Variants in NFRKB observed in about 807,000 individuals in gnomAD.
NFRKB encodes nuclear factor related to kappa-B-binding protein.
NFRKB carries 62 observed loss-of-function variants against 135.7 expected under a neutral mutation model. The observed-to-expected ratio is 0.46, with a 90% CI of 0.37 to 0.56. The LOEUF (loss-of-function observed/expected upper bound fraction) is 0.56, where lower values mean the gene tolerates loss of function less well. Ranked by LOEUF, NFRKB falls within the 20% of genes least tolerant of loss-of-function variation. The pLI, the probability that NFRKB is intolerant of heterozygous loss-of-function variation, is 0.00. For missense variants in NFRKB, 1,545 were observed against 1,662.0 expected, an observed-to-expected ratio of 0.93 and a Z score of 1.22; for synonymous variants, 678 against 635.6, an observed-to-expected ratio of 1.07 and a Z score of -1.00.
In NFRKB at chr11:129,885,577, G is replaced by A. The variant is rs751129575; in HGVS notation, c.498C>T (p.Pro166=). Residue 166 remains proline, a synonymous_variant, in exon 6 of 27, where the codon CCC becomes CCT. Transcript: ENST00000682444. ...DLLEMARRSG[P]ALPFRQKRPS... is the part of the protein sequence containing the mutation. Reference sequence around the variant, plus strand: ...GGCGTTTCTGCCGGAAGGGAAGGGCGGGGCCACTCCGCCGGGCCATCTCCA... The same window carrying A: ...GGCGTTTCTGCCGGAAGGGAAGGGCAGGGCCACTCCGCCGGGCCATCTCCA... The A allele has an allele frequency of 1.7e-5, 28 of 1,612,806 alleles. No individual in the cohort carries two copies. The highest frequency in any genetic ancestry group is 6.7e-5 in the African/African-American group (5 of 74,908).
At chr11:129,872,421 CAA>C (rs1410283641) in intron 23 of NFRKB, among the ~76,000 whole-genome samples, 2 of 152,094 alleles carry the variant, frequency 1.3e-5, no homozygotes, top group Non-Finnish European at 2.9e-5. Context: ...ATTTAACAAG[CAA>C]AAAATGCTTA....
At chr11:129,866,063 C>T (rs929731578) in intron 24 of NFRKB, 80 bp from the exon 25 acceptor site, 6 of 1,217,846 alleles carry the variant, frequency 4.9e-6, no homozygotes, top group African/African-American at 4.5e-5. Flanking sequence ...GCATCAGGAA[C>T]TGAGAAGCAA....
intron 3 of NFRKB, among the ~76,000 whole-genome samples, chr11:129,889,951 C>CGTGTGTGTGTGT (rs56216860): frequency 0.012 from 1,577 of 135,320 alleles, 31 homozygotes; most frequent in African/African-American, 0.042. Context: ...TATTGTCTTA[C>CGTGTGTGTGTGT]GTGTGTGTGT....
At position 129,870,115 on chromosome 11, in the gene NFRKB, C is replaced by T. The variant is rs1948428327; in HGVS notation, c.2910G>A (p.Leu970=). ...TGGCCATCATGTCCGGAGTGATTCG[C>T]AGAACCGTCTGGCCCTTGGCATCTG... ...ITTDAKGQTV[L]RITPDMMATL... The change falls in exon 24 of 27, where the codon CTG becomes CTA. Residue 970 remains leucine (L), a synonymous_variant. Transcript: ENST00000682444. 1 of 1,614,144 alleles carries T rather than the reference C, an allele frequency of 6.2e-7. No individual in the cohort carries two copies. The highest frequency in any genetic ancestry group is 1.3e-5 in the African/African-American group (1 of 74,946).
Position 129,870,158 on chromosome 11 carries a change from G to A in NFRKB, c.2867C>T (p.Pro956Leu), listed in dbSNP as rs371506336. 5.6e-6 allele frequency: 9 copies of A among 1,614,090 alleles called. No homozygotes were observed. The highest frequency in any genetic ancestry group is 2.7e-5 in the African/African-American group (2 of 74,920). ...RIQGKDVLRL[P>L]PSSITTDAKG... Reference sequence around the variant, plus strand: ...GGCATCTGTGGTGATGGAAGAGGGCGGCAGACGCAATACATCCTTACCCTG... The same window carrying A: ...GGCATCTGTGGTGATGGAAGAGGGCAGCAGACGCAATACATCCTTACCCTG... Residue 956 changes from proline (P) to leucine (L), a missense_variant, in exon 24 of 27, where the codon CCG becomes CTG. By Grantham distance (98) the Pro-to-Leu change is moderately conservative. This residue lies in a region of NFRKB where 753 missense variants were observed against 804.3 expected (regional missense o/e 0.94). Coordinates refer to ENST00000682444, the MANE Select transcript of NFRKB (RefSeq NM_001143835.2).
Position 129,892,775 on chromosome 11 carries a change from G to C in NFRKB, c.75C>G (p.Ile25Met), listed in dbSNP as rs761005242. ...TGCCTCCCAGGAGGCAATCCTCCAT[G>C]ATGCGCGTGCCATGGCCATCTCCAC... is the stretch of plus-strand genomic sequence containing the variant. ...GPCGDGHGTR[I>M]MEDCLLGGTR... The change falls in exon 3 of 27, where the codon ATC (isoleucine) becomes ATG (methionine). Residue 25 changes from isoleucine to methionine, a missense_variant. Transcript: ENST00000682444. 1.2e-6 allele frequency: 2 copies of C among 1,614,206 alleles called. No homozygotes were observed. The highest frequency in any genetic ancestry group is 2.2e-5 in the South Asian group (2 of 91,078).
intron 13 of NFRKB, among the ~76,000 whole-genome samples, chr11:129,880,361 A>G (rs961095539): frequency 1.3e-5 from 2 of 152,136 alleles, no homozygotes; most frequent in Non-Finnish European, 2.9e-5. Context: ...CAGCCAAGCC[A>G]TAACCAAGCC....
rs764788294 is a variant in NFRKB, at chr11:129,885,515, C to T, written c.560G>A (p.Arg187Gln). The T allele has an allele frequency of 1.5e-5, 25 of 1,614,036 alleles. No individual in the cohort carries two copies. Among genetic ancestry groups the T allele is most frequent in the South Asian group, 2.2e-5 (2 of 91,084 alleles). Residue 187 changes from arginine (R) to glutamine (Q), a missense_variant, in exon 6 of 27, where the codon CGG (arginine) becomes CAG (glutamine). Physicochemically the swap from Arg to Gln is conservative, Grantham distance 43. Coordinates refer to ENST00000682444, the MANE Select transcript of NFRKB (RefSeq NM_001143835.2). Reference protein sequence around the residue: ...PSRTPEEREWRTQQRYLKVLR... With the variant: ...PSRTPEEREWQTQQRYLKVLR... ...GACCTTCAAGTAGCGCTGCTGGGTC[C>T]GCCACTCCCGCTCCTCAGGTGTGCG...
chr11:129,885,396 C>T (rs1198810731), intron 6 of NFRKB, 39 bp downstream of exon 6: 1 of 1,572,678 alleles, frequency 6.4e-7, no homozygotes, highest in Admixed American at 1.7e-5. Context: ...CGGTATCCAT[C>T]CAATACCCCA....
chr11:129,889,951 C>CGTGTGTGTGTGTGTGTGTGTGT (rs56216860), intron 3 of NFRKB, among the ~76,000 whole-genome samples: 62 of 135,348 alleles, frequency 4.6e-4, no homozygotes, highest in African/African-American at 1.6e-3. Context: ...TATTGTCTTA[C>CGTGTGTGTGTGTGTGTGTGTGT]GTGTGTGTGT....
Position 129,883,209 on chromosome 11 carries a change from A to G in NFRKB, c.817-3T>C, listed in dbSNP as rs778520087. 1.9e-6 allele frequency: 3 copies of G among 1,613,808 alleles called. No homozygotes were observed. In the South Asian group the frequency reaches 3.3e-5, roughly 18 times the overall value. ...CCTGTCAAAAGGTCCGGGTGATCCT[A>G]GATGTGATATCCAGAATTTGGTCAT... On this transcript the variant is annotated splice_polypyrimidine_tract_variant and splice_region_variant and intron_variant, in intron 8 of 26. Transcript: ENST00000682444.
intron 5 of NFRKB, 92 bp downstream of exon 5, chr11:129,886,225 G>T: frequency 1.3e-5 from 19 of 1,438,106 alleles, no homozygotes; most frequent in Non-Finnish European, 1.8e-5. Flanking sequence ...TTTTCTTCGT[G>T]GCAATTTTTG....
At chr11:129,867,907 G>A (rs986961018) in intron 24 of NFRKB, among the ~76,000 whole-genome samples, 1 of 152,156 alleles carries the variant, frequency 6.6e-6, no homozygotes, top group Non-Finnish European at 1.5e-5. Context: ...AAGCTAGTGG[G>A]GGAAGCAATA....
At chr11:129,881,674 T>C (rs770227162) in intron 12 of NFRKB, 53 bp downstream of exon 12, 318 of 1,598,834 alleles carry the variant, frequency 2.0e-4, no homozygotes, top group Non-Finnish European at 2.6e-4. Flanking sequence ...ATTCTAATAA[T>C]TAATTAGACA....
In NFRKB at chr11:129,874,746, G is replaced by A; in HGVS notation, c.1978+47C>T. 6.2e-7 allele frequency: 1 copy of A among 1,613,838 alleles called. No homozygotes were observed. The highest frequency in any genetic ancestry group is 8.5e-7 in the Non-Finnish European group (1 of 1,179,772). ...ATAATGGAATTGGGGTAGAAAGTCAGAACGTATCCCCAGTCTGGTCGGACA... is the reference window on the plus strand; with the variant it reads ...ATAATGGAATTGGGGTAGAAAGTCAAAACGTATCCCCAGTCTGGTCGGACA... On this transcript the variant is annotated intron_variant, in intron 19 of 26. Transcript: ENST00000682444. The surrounding 1 kb of genome is among the most constrained non-coding windows in gnomAD (Gnocchi z 4.5).
chr11:129,880,929 C>T (rs566956554), intron 13 of NFRKB, among the ~76,000 whole-genome samples: 2 of 152,364 alleles, frequency 1.3e-5, no homozygotes, highest in South Asian at 4.1e-4. Flanking sequence ...GGATTTCTCT[C>T]TTTTCACCAT....
intron 8 of NFRKB, among the ~76,000 whole-genome samples, chr11:129,883,516 T>C (rs1487463327): frequency 6.6e-6 from 1 of 152,208 alleles, no homozygotes; most frequent in Non-Finnish European, 1.5e-5. Context: ...TTACAGAGTC[T>C]GGAAATGGGC....
chr11:129,875,816 C>T (rs1015214945), intron 17 of NFRKB, among the ~76,000 whole-genome samples: 37 of 151,992 alleles, frequency 2.4e-4, no homozygotes, highest in Non-Finnish European at 5.9e-5. Context: ...ACCACCATGT[C>T]CAGCTGATTT....
Position 129,878,531 on chromosome 11 carries a change from T to C in NFRKB, c.1397A>G (p.Asp466Gly). 1 of 1,614,010 alleles carries C rather than the reference T, an allele frequency of 6.2e-7. No homozygotes were observed. The highest frequency in any genetic ancestry group is 8.5e-7 in the Non-Finnish European group (1 of 1,179,858). ...GAGGGCAGCTAATTCCTTTTCATTA[T>C]CTTGGGATTGGCCTATTAGAGGAAT... ...QQWKLLGQSQ[D>G]NEKELAALFQ... Residue 466 changes from aspartate to glycine, a missense_variant, in exon 14 of 27, where the codon GAT (aspartate) becomes GGT (glycine). Coordinates refer to ENST00000682444, the MANE Select transcript of NFRKB (RefSeq NM_001143835.2).
Sources: gnomAD v4.1 joint callset for allele counts (sites outside exome capture counted in the v4.1 genomes callset) on GRCh38, gnomAD v4.1.1 for gene constraint, gnomAD v4.1.1 regional missense constraint, Gnocchi (gnomAD v3.1) non-coding constraint, MANE v1.5 for transcripts, NCBI Gene and HGNC (gene_info 2026-07-23, HGNC 2026-07-21) for gene names.